Variants in ODAD1 observed in about 807,000 individuals in gnomAD.
The protein encoded by ODAD1 is outer dynein arm docking complex subunit 1.
ODAD1 carries 49 observed loss-of-function variants against 67.2 expected under a neutral mutation model. The ratio of observed to expected loss-of-function variants is 0.73; its 90% CI spans 0.58 to 0.92. The LOEUF is 0.92. ODAD1 is among the 40% of genes least tolerant of loss of function. ODAD1 has a pLI of 0.00. For synonymous variants in ODAD1, 345 were observed against 393.7 expected (o/e 0.88, Z 1.46); for missense variants, 897 against 953.7 (o/e 0.94, Z 0.78).
chr19:48,313,897 CA>C (rs140438025), intron 5 of ODAD1, among the ~76,000 whole-genome samples: 21,913 of 151,178 alleles, frequency 0.14, 1,787 homozygotes, highest in Non-Finnish European at 0.17. Context: ...CAAAACAAAA[CA>C]AAAAAGGAAA....
intron 6 of ODAD1, 97 bp from the exon 7 acceptor site, chr19:48,311,763 G>C: frequency 1.2e-6 from 1 of 866,512 alleles, no homozygotes; most frequent in South Asian, 1.5e-5. Flanking sequence ...CAGAGGTTGG[G>C]CCGGCCTGTT....
At position 48,296,858 on chromosome 19, in the gene ODAD1, C is replaced by A; in HGVS notation, c.*118G>T. ...GAAAACAGTTGAAGGGGCAAAAAGA[C>A]AGAGGCCTGCCACTGGGAGAAAAAG... On this transcript the variant is annotated 3_prime_UTR_variant, in exon 16 of 16. Transcript: ENST00000674294. 1 of 1,435,532 alleles carries A rather than the reference C, an allele frequency of 7.0e-7. No individual in the cohort carries two copies. The allele number at this position is 1,435,532 out of a possible 1,614,324, so 88.9% of individuals were successfully genotyped here. A position where few individuals can be genotyped will look rare whatever the true frequency, so the allele number is the denominator to read the frequency against.
intron 7 of ODAD1, 140 bp downstream of exon 7, chr19:48,311,413 C>A (rs576330629): frequency 6.7e-6 from 4 of 597,464 alleles, no homozygotes; most frequent in East Asian, 2.8e-5. Context: ...GGCCTCCATG[C>A]CTTTTGGACT....
chr19:48,312,142 T>G (rs1968779912), intron 5 of ODAD1, 26 bp from the exon 6 acceptor site: 2 of 1,546,980 alleles, frequency 1.3e-6, no homozygotes, highest in Middle Eastern at 1.7e-4. Flanking sequence ...TGGTACCTGT[T>G]TTTGGTTGCC....
intron 12 of ODAD1, among the ~76,000 whole-genome samples, chr19:48,299,527 G>A (rs1329113892): frequency 2.6e-5 from 4 of 152,192 alleles, no homozygotes; most frequent in East Asian, 1.9e-4. Flanking sequence ...GATGAGGCCC[G>A]GCGCAGTGGC....
At position 48,309,114 on chromosome 19, in the gene ODAD1, C is replaced by G. The variant is rs149299838; in HGVS notation, c.597+2439G>C. On this transcript the variant is annotated intron_variant, in intron 7 of 15. Coordinates refer to ENST00000674294, the MANE Select transcript of ODAD1 (RefSeq NM_001364171.2). ...CTCCCCACCCCGATCCCTGCAGGCTCGAGCGTGTCTGCTCCTGCTGCTTGG... is the reference window on the plus strand; with the variant it reads ...CTCCCCACCCCGATCCCTGCAGGCTGGAGCGTGTCTGCTCCTGCTGCTTGG... 8.9e-3 allele frequency among the ~76,000 whole-genome samples: 1,356 copies of G among 152,226 alleles called. 20 individuals are homozygous for G. Among genetic ancestry groups the G allele is most frequent in the African/African-American group, 0.031 (1,294 of 41,536 alleles).
intron 7 of ODAD1, among the ~76,000 whole-genome samples, chr19:48,310,650 A>T (rs1290041068): frequency 1.3e-5 from 2 of 152,236 alleles, no homozygotes; most frequent in Non-Finnish European, 2.9e-5. Context: ...CAAAACAATA[A>T]TTACACACAC....
chr19:48,319,890 G>A (rs1386214475), intron 3 of ODAD1: 2 of 208,886 alleles, frequency 9.6e-6, no homozygotes, highest in African/African-American at 2.4e-5. Context: ...TATCCAGTGA[G>A]TAGAAGCCAT....
At chr19:48,297,953 C>G (rs368546621) in intron 14 of ODAD1, 47 bp downstream of exon 14, 1 of 1,459,558 alleles carries the variant, frequency 6.9e-7, no homozygotes, top group Non-Finnish European at 9.5e-7. Flanking sequence ...CCCTCTGCCC[C>G]CATGGAAGCC....
chr19:48,296,979 G>T lies in ODAD1; in HGVS notation c.2121C>A (p.Gly707=), dbSNP rs1161641367. The T allele has an allele frequency of 6.3e-7, 1 of 1,595,310 alleles. No homozygotes were observed. The change falls in exon 16 of 16, where the codon GGC becomes GGA. Residue 707 remains glycine, a synonymous_variant. Coordinates refer to ENST00000674294, the MANE Select transcript of ODAD1 (RefSeq NM_001364171.2). ...TGGGGGCTGCGTGCCCCTCGTGTTA[G>T]CCCCGGGAGTCTTTGCTGGTGGAGG... is the stretch of plus-strand genomic sequence containing the variant. ...PGSSTSKDSR[G]
chr19:48,304,219 G>C, intron 8 of ODAD1, 79 bp from the exon 9 acceptor site: 1 of 1,426,856 alleles, frequency 7.0e-7, no homozygotes, highest in Non-Finnish European at 9.3e-7. Context: ...GGCGGGGTCA[G>C]CCAGAGGTTG....
chr19:48,305,011 C>T (rs1046498346), intron 8 of ODAD1, among the ~76,000 whole-genome samples: 2 of 152,122 alleles, frequency 1.3e-5, no homozygotes, highest in Non-Finnish European at 2.9e-5. Context: ...AATTTTGCCA[C>T]GTTTGTTTTA....
chr19:48,306,611 C>T (rs1453441992), intron 7 of ODAD1, among the ~76,000 whole-genome samples: 3 of 152,136 alleles, frequency 2.0e-5, no homozygotes, highest in East Asian at 3.8e-4. Flanking sequence ...GAGGAAATGA[C>T]GTTTCCCTAG....
chr19:48,319,114 G>A (rs1968976664), intron 3 of ODAD1, among the ~76,000 whole-genome samples: 1 of 152,064 alleles, frequency 6.6e-6, no homozygotes, highest in African/African-American at 2.4e-5. Context: ...CTGGAATTGG[G>A]AAGGCTCTTG....
At chr19:48,307,972 G>C (rs1286932952) in intron 7 of ODAD1, among the ~76,000 whole-genome samples, 1 of 152,172 alleles carries the variant, frequency 6.6e-6, no homozygotes, top group African/African-American at 2.4e-5. Context: ...GTGCCAGAAA[G>C]TGAGGAAGTA....
Position 48,296,678 on chromosome 19 carries a change from A to G in ODAD1, c.*298T>C. ...GGGGATCCACAGGGGGCCAGGGCTC[A>G]GCAGACAGGGAAGGGGCAGATATGG... On this transcript the variant is annotated 3_prime_UTR_variant, in exon 16 of 16. Transcript: ENST00000674294. 2 of 963,822 alleles carry G rather than the reference A, an allele frequency of 2.1e-6. No individual in the cohort carries two copies. Among genetic ancestry groups the G allele is most frequent in the African/African-American group, 1.7e-5 (1 of 57,990 alleles). The allele number at this position is 963,822 out of a possible 1,614,324, so 59.7% of individuals were successfully genotyped here. A position where few individuals can be genotyped will look rare whatever the true frequency, so the allele number is the denominator to read the frequency against.
In ODAD1 at chr19:48,316,377, C is replaced by CAAA. The variant is rs777896204; in HGVS notation, c.360+2007_360+2009dup. Among the ~76,000 whole-genome samples, 5 of 128,890 alleles carry CAAA rather than the reference C, an allele frequency of 3.9e-5. No homozygotes were observed. The East Asian group carries it at 6.4e-4, about 17-fold the overall frequency. The allele number at this position is 128,890 out of a possible 152,430, so 84.6% of individuals were successfully genotyped here. ...CCTGGGTGACAGAGCGAGACTTCGT[C>CAAA]AAAAAAAAAAAAACAAACCTGCCTA... On this transcript the variant is annotated intron_variant, in intron 5 of 15. Coordinates refer to ENST00000674294, the MANE Select transcript of ODAD1 (RefSeq NM_001364171.2).
rs1019912297 is a variant in ODAD1 at position 48,298,192 on chromosome 19, G to A, written c.1389C>T (p.Ala463=). 1 of 1,613,192 alleles carries A rather than the reference G, an allele frequency of 6.2e-7. No individual in the cohort carries two copies. Among genetic ancestry groups the A allele is most frequent in the Non-Finnish European group, 8.5e-7 (1 of 1,179,966 alleles). Residue 463 remains alanine, a synonymous_variant, in exon 13 of 16, where the codon GCC becomes GCT. Coordinates refer to ENST00000674294, the MANE Select transcript of ODAD1 (RefSeq NM_001364171.2). ...KRLVELLTVQ[A]FLHAQSFTSL... Reference sequence around the variant, plus strand: ...CGTCTCCCACCTGGGCATGTAGGAAGGCCTGCACTGTCAGGAGCTCCACCA... The same window carrying A: ...CGTCTCCCACCTGGGCATGTAGGAAAGCCTGCACTGTCAGGAGCTCCACCA...
chr19:48,311,972 G>A, intron 6 of ODAD1, 22 bp downstream of exon 6: 1 of 1,549,016 alleles, frequency 6.5e-7, no homozygotes, highest in East Asian at 2.4e-5. Flanking sequence ...TCAGGTCGAG[G>A]GACCAGGAGT....
Sources: allele counts gnomAD v4.1 joint callset (sites outside exome capture counted in the v4.1 genomes callset), GRCh38; gene constraint gnomAD v4.1.1; transcripts MANE v1.5; gene names NCBI Gene and HGNC (gene_info 2026-07-23, HGNC 2026-07-21).